GLB1: variants seen among roughly 807,000 people sequenced by gnomAD.
The protein encoded by GLB1 is galactosidase beta 1, also known as beta-galactosidase.
In GLB1, 56 loss-of-function variants were observed where a neutral mutation model predicts 74.0. That is an observed-to-expected ratio of 0.76 (90% CI 0.61 to 0.94). GLB1 has a LOEUF of 0.94. GLB1 is among the 40% of genes least tolerant of loss of function. The pLI is 0.00. For missense variants in GLB1, 787 were observed against 845.5 expected (o/e 0.93, Z 0.86); for synonymous variants, 323 against 323.6 (o/e 1.00, Z 0.02).
the GLB1 span, among the ~76,000 whole-genome samples, chr3:32,963,159 A>G: frequency 6.6e-6 from 1 of 152,200 alleles, no homozygotes; most frequent in Non-Finnish European, 1.5e-5. Flanking sequence ...GTGCATATTA[A>G]AGATGGCAAC....
At chr3:33,006,818 T>C (rs1000344622) in intron 15 of GLB1, among the ~76,000 whole-genome samples, 28 of 152,166 alleles carry the variant, frequency 1.8e-4, no homozygotes, top group Admixed American at 1.5e-3. Context: ...AGGAAGAGCA[T>C]AGAGTCCTGT....
chr3:33,065,426 C>G (rs760087061), intron 5 of GLB1, 37 bp downstream of exon 5: 6 of 1,552,060 alleles, frequency 3.9e-6, no homozygotes, highest in Non-Finnish European at 5.2e-6. Flanking sequence ...GATGGGAACC[C>G]CTCCCCCAAT....
chr3:33,007,762 G>A (rs1200151436), intron 15 of GLB1, among the ~76,000 whole-genome samples: 1 of 152,192 alleles, frequency 6.6e-6, no homozygotes, highest in Non-Finnish European at 1.5e-5. Flanking sequence ...ACTGTGTGGA[G>A]ATGTACTTTC....
Position 33,097,100 on chromosome 3 carries a change from C to G in GLB1, c.-15G>C. Reference sequence around the variant, plus strand: ...AACCCCGGCATGACCACCAGCCTCCCGGCTCTGCAGTCGGCGCCCAGGCCG... The same window carrying G: ...AACCCCGGCATGACCACCAGCCTCCGGGCTCTGCAGTCGGCGCCCAGGCCG... On this transcript the variant is annotated 5_prime_UTR_variant, in exon 1 of 16. Coordinates refer to ENST00000307363, the MANE Select transcript of GLB1 (RefSeq NM_000404.4). 1.2e-6 allele frequency: 2 copies of G among 1,611,776 alleles called. No homozygotes were observed. Among genetic ancestry groups the G allele is most frequent in the Non-Finnish European group, 8.5e-7 (1 of 1,178,794 alleles).
At position 33,093,771 on chromosome 3, in the gene GLB1, T is replaced by C. The variant is rs1365330364; in HGVS notation, c.75+3240A>G. ...ACCACTGCGCCAGGCCAAGAGCTGG[T>C]AGGCCTGCTCCATGCCGCTGAGGAT... On this transcript the variant is annotated intron_variant, in intron 1 of 15. Transcript: ENST00000307363. This position sits in a 1 kb window ranked among gnomAD's most constrained non-coding sequence, Gnocchi z 6.0. 1.9e-6 allele frequency: 3 copies of C among 1,613,410 alleles called. No individual in the cohort carries two copies. Among genetic ancestry groups the C allele is most frequent in the African/African-American group, 1.3e-5 (1 of 74,892 alleles).
intron 15 of GLB1, among the ~76,000 whole-genome samples, chr3:32,999,695 C>T (rs1295709824): frequency 6.6e-6 from 1 of 152,108 alleles, no homozygotes; most frequent in East Asian, 1.9e-4. Flanking sequence ...GGGAGGTTAT[C>T]GTGCAGTGGT....
At chr3:33,036,739 T>C (rs988588985) in intron 10 of GLB1, among the ~76,000 whole-genome samples, 4 of 121,872 alleles carry the variant, frequency 3.3e-5, no homozygotes, top group African/African-American at 1.2e-4. Context: ...GTTGAAAACA[T>C]TGTGCTAAGT....
chr3:33,069,205 C>T (rs1699805575), intron 2 of GLB1, among the ~76,000 whole-genome samples: 1 of 152,032 alleles, frequency 6.6e-6, no homozygotes, highest in Non-Finnish European at 1.5e-5. Context: ...GCCTGGAAAA[C>T]ATGGTGAAAC....
At chr3:33,074,374 AAGGAAGGAAGG>A (rs1700017936) in intron 1 of GLB1, among the ~76,000 whole-genome samples, 1 of 129,942 alleles carries the variant, frequency 7.7e-6, no homozygotes, top group African/African-American at 2.8e-5. Flanking sequence ...GGAAGGAAGG[AAGGAAGGAAGG>A]AAGGAAGAAA....
At position 33,093,064 on chromosome 3, in the gene GLB1, G is replaced by A; in HGVS notation, c.75+3947C>T. On this transcript the variant is annotated intron_variant, in intron 1 of 15. Transcript: ENST00000307363. This position sits in a 1 kb window ranked among gnomAD's most constrained non-coding sequence, Gnocchi z 6.0. ...AGGTTAATATCTGGCCGAGCCTGGA[G>A]AGCTCTCTTGGCAGCCAGGGGCTGG... The A allele has an allele frequency of 6.2e-7, 1 of 1,614,230 alleles. No individual in the cohort carries two copies.
At position 33,097,081 on chromosome 3, in the gene GLB1, G is replaced by C. The variant is rs779544911; in HGVS notation, c.5C>G (p.Pro2Arg). The C allele has an allele frequency of 2.0e-5, 33 of 1,612,428 alleles. No individual in the cohort carries two copies. The Admixed American group carries it at 5.5e-4, about 27-fold the overall frequency. The change falls in exon 1 of 16, where the codon CCG becomes CGG. Residue 2 changes from proline (P) to arginine (R), a missense_variant. Transcript: ENST00000307363. M[P>R]GFLVRILPLL... The stretch of plus-strand genomic sequence containing the variant: ...AGGGAGGATGCGAACCAGGAACCCC[G>C]GCATGACCACCAGCCTCCCGGCTCT...
intron 1 of GLB1, chr3:33,077,118 C>A: frequency 7.0e-7 from 1 of 1,421,898 alleles, no homozygotes. Context: ...TCCTTCTTCT[C>A]CCACTCCTGT....
chr3:33,036,385 A>G (rs925293066), intron 10 of GLB1, among the ~76,000 whole-genome samples: 31 of 152,300 alleles, frequency 2.0e-4, no homozygotes, highest in African/African-American at 7.2e-4. Context: ...AAGTAAAGTG[A>G]TATTTTATGC....
the GLB1 span, among the ~76,000 whole-genome samples, chr3:32,981,720 C>G: frequency 1.3e-5 from 2 of 151,554 alleles, no homozygotes; most frequent in East Asian, 3.9e-4. Context: ...TTGCAGTGAG[C>G]TGAGATTGCA....
chr3:33,069,334 G>C (rs1306359072), intron 2 of GLB1, among the ~76,000 whole-genome samples: 1 of 152,180 alleles, frequency 6.6e-6, no homozygotes, highest in African/African-American at 2.4e-5. Flanking sequence ...GCAGTGAGCT[G>C]TGATTGTGCC....
At chr3:33,046,090 A>T in intron 10 of GLB1, 30 bp downstream of exon 10, 1 of 1,608,870 alleles carries the variant, frequency 6.2e-7, no homozygotes, top group Non-Finnish European at 8.5e-7. Context: ...GTCCAAGATC[A>T]GCCCACCACA....
chr3:33,090,885 G>A lies in GLB1; in HGVS notation c.75+6126C>T, dbSNP rs114462916. 4.3e-4 allele frequency: 423 copies of A among 985,204 alleles called. 1 individual carries two copies. The African/African-American group carries it at 6.6e-3, about 15-fold the overall frequency. 61.0% of individuals were successfully genotyped at this position (985,204 alleles called of 1,614,324 possible). A position where few individuals can be genotyped will look rare whatever the true frequency, so the allele number is the denominator to read the frequency against. ...TGAAGGGTACATAAGACCACACAATGATGGCATTCAAGAGAAAGAAAAGAG... is the reference window on the plus strand; with the variant it reads ...TGAAGGGTACATAAGACCACACAATAATGGCATTCAAGAGAAAGAAAAGAG... On this transcript the variant is annotated intron_variant, in intron 1 of 15. Coordinates refer to ENST00000307363, the MANE Select transcript of GLB1 (RefSeq NM_000404.4).
chr3:32,962,890 A>C, the GLB1 span, among the ~76,000 whole-genome samples: 1 of 152,100 alleles, frequency 6.6e-6, no homozygotes, highest in Non-Finnish European at 1.5e-5. Flanking sequence ...TATTAAATAC[A>C]ATGTTATTCT....
chr3:33,089,995 A>C (rs1290676025), intron 1 of GLB1, among the ~76,000 whole-genome samples: 4 of 152,220 alleles, frequency 2.6e-5, no homozygotes, highest in Non-Finnish European at 5.9e-5. Context: ...CTAACTCTTC[A>C]CACAGTTAAC....
Sources: allele counts gnomAD v4.1 joint callset (sites outside exome capture counted in the v4.1 genomes callset), GRCh38; gene constraint gnomAD v4.1.1; non-coding constraint Gnocchi (gnomAD v3.1); transcripts MANE v1.5; gene names NCBI Gene and HGNC (gene_info 2026-07-23, HGNC 2026-07-21).